The following STAM2 variants were observed in gnomAD, a reference collection of about 807,000 sequenced individuals.
STAM2 encodes the protein signal transducing adapter molecule 2.
In STAM2, 51 loss-of-function variants were observed where a neutral mutation model predicts 65.6. The ratio of observed to expected loss-of-function variants is 0.78; its 90% CI spans 0.62 to 0.98. The LOEUF (loss-of-function observed/expected upper bound fraction) is 0.98. Ranked by LOEUF, STAM2 falls within the 50% of genes least tolerant of loss-of-function variation. The probability of loss-of-function intolerance (pLI) is 0.00; values close to 1 mark genes in which losing one functional copy is unlikely to be tolerated. For missense variants in STAM2, 584 were observed against 617.8 expected, an observed-to-expected ratio of 0.95 and a Z score of 0.58; for synonymous variants, 198 against 208.4, an observed-to-expected ratio of 0.95 and a Z score of 0.43.
chr2:152,150,918 C>T (rs1194709932), intron 1 of STAM2, among the ~76,000 whole-genome samples: 1 of 152,138 alleles, frequency 6.6e-6, no homozygotes, highest in African/African-American at 2.4e-5. Flanking sequence ...GTTGCCCAGG[C>T]TGGTCTTGAA....
intron 1 of STAM2, among the ~76,000 whole-genome samples, chr2:152,159,759 C>T (rs1043494268): frequency 2.0e-5 from 3 of 152,208 alleles, no homozygotes; most frequent in Admixed American, 6.5e-5. Flanking sequence ...TCTCTTTCCA[C>T]GGTCTCCCTC....
intron 12 of STAM2, chr2:152,124,578 C>T (rs1056644125): frequency 2.0e-5 from 3 of 152,214 alleles, no homozygotes; most frequent in African/African-American, 7.2e-5. Flanking sequence ...AGGACAACAG[C>T]TCCTTAAGGA....
chr2:152,159,965 G>A (rs575668505), intron 1 of STAM2, among the ~76,000 whole-genome samples: 5 of 152,246 alleles, frequency 3.3e-5, no homozygotes, highest in Non-Finnish European at 4.4e-5. Flanking sequence ...TCCTAACCGC[G>A]AGTGATCTGC....
Position 152,148,042 on chromosome 2 carries a change from A to G in STAM2, c.282T>C (p.Arg94=). 1 of 1,609,680 alleles carries G rather than the reference A, an allele frequency of 6.2e-7. No homozygotes were observed. Among genetic ancestry groups the G allele is most frequent in the Admixed American group, 1.7e-5 (1 of 59,766 alleles). Residue 94 remains arginine (R), a synonymous_variant, in exon 4 of 14, where the codon CGT becomes CGC. Coordinates refer to ENST00000263904, the MANE Select transcript of STAM2 (RefSeq NM_005843.6). ...AATTTACCTTATTTTTAATCACAGCACGTACTTCTGTTGCAAAATCACGGG... is the reference window on the plus strand; with the variant it reads ...AATTTACCTTATTTTTAATCACAGCGCGTACTTCTGTTGCAAAATCACGGG... ...VCSRDFATEV[R]AVIKNKAHPK... is the part of the protein sequence containing the mutation.
intron 13 of STAM2, among the ~76,000 whole-genome samples, chr2:152,123,183 A>G (rs1301512412): frequency 1.3e-5 from 2 of 152,096 alleles, no homozygotes. Context: ...CAGCCTGACC[A>G]ATATGCTGAA....
At position 152,155,316 on chromosome 2, in the gene STAM2, G is replaced by A. The variant is rs1191762085; in HGVS notation, c.41-5087C>T. Among the ~76,000 whole-genome samples the A allele has an allele frequency of 1.1e-4, 17 of 152,310 alleles. No individual in the cohort carries two copies. The East Asian group carries it at 3.1e-3, about 28-fold the overall frequency. On this transcript the variant is annotated intron_variant, in intron 1 of 13. Coordinates refer to ENST00000263904, the MANE Select transcript of STAM2 (RefSeq NM_005843.6). The stretch of plus-strand genomic sequence containing the variant: ...GCTTTTGAGTACACGAACTAAAAGG[G>A]CTTTAACTCTGATGCCCATCTGTGG...
rs527441741 is a variant in STAM2 at position 152,167,381 on chromosome 2, T to G, written c.40+8222A>C. On this transcript the variant is annotated intron_variant, in intron 1 of 13. Coordinates refer to ENST00000263904, the MANE Select transcript of STAM2 (RefSeq NM_005843.6). ...ATAACGCTAAAGGAAGTCTAAAAGC[T>G]GGGAGCAACACTTACTACACCAAAA... Among the ~76,000 whole-genome samples the G allele has an allele frequency of 1.4e-3, 214 of 152,246 alleles. 1 individual carries two copies. Among genetic ancestry groups the G allele is most frequent in the African/African-American group, 4.7e-3 (196 of 41,534 alleles).
chr2:152,120,676 G>A lies in STAM2; in HGVS notation c.1476C>T (p.Asn492=). 6 of 1,614,138 alleles carry A rather than the reference G, an allele frequency of 3.7e-6. No homozygotes were observed. The highest frequency in any genetic ancestry group is 4.2e-6 in the Non-Finnish European group (5 of 1,180,026). The change falls in exon 14 of 14, where the codon AAC becomes AAT. Residue 492 remains asparagine (N), a synonymous_variant. Transcript: ENST00000263904. ...GMSVDMSSYQ[N]TTSNLPQLAG... is the part of the protein sequence containing the mutation. The stretch of plus-strand genomic sequence containing the variant: ...CCAGTTGAGGCAAATTGGAAGTAGT[G>A]TTCTGATAAGATGACATATCCACAG...
intron 1 of STAM2, among the ~76,000 whole-genome samples, chr2:152,152,735 A>G (rs181490304): frequency 3.9e-5 from 6 of 152,350 alleles, no homozygotes; most frequent in Non-Finnish European, 5.9e-5. Context: ...GCAGTTTCCC[A>G]AAGGAACTAT....
intron 1 of STAM2, among the ~76,000 whole-genome samples, chr2:152,159,709 C>T (rs1579331142): frequency 1.3e-5 from 2 of 152,016 alleles, no homozygotes; most frequent in Non-Finnish European, 2.9e-5. Context: ...AACAGGATTG[C>T]TCCCTCTCCC....
intron 1 of STAM2, among the ~76,000 whole-genome samples, chr2:152,150,842 T>A (rs1689430712): frequency 6.6e-6 from 1 of 152,054 alleles, no homozygotes; most frequent in Non-Finnish European, 1.5e-5. Context: ...CAAGTAAATA[T>A]GCACTACACT....
chr2:152,124,447 T>C (rs1252049569), intron 12 of STAM2: 1 of 152,588 alleles, frequency 6.6e-6, no homozygotes. Context: ...CCTTATTCTC[T>C]ACCTTTAAGA....
chr2:152,157,582 C>A (rs1193782100), intron 1 of STAM2, among the ~76,000 whole-genome samples: 2 of 152,220 alleles, frequency 1.3e-5, no homozygotes, highest in African/African-American at 4.8e-5. Context: ...TCTAACCAGA[C>A]AGCACCTCTG....
intron 1 of STAM2, among the ~76,000 whole-genome samples, chr2:152,158,946 C>T (rs1689605273): frequency 6.6e-6 from 1 of 151,198 alleles, no homozygotes; most frequent in African/African-American, 2.4e-5. Flanking sequence ...GTCTCCAACT[C>T]GTAAATTTTG....
rs1388282545 is a variant in STAM2 at position 152,161,296 on chromosome 2, G to A, written c.41-11067C>T. Among the ~76,000 whole-genome samples, 4 of 150,602 alleles carry A rather than the reference G, an allele frequency of 2.7e-5. No homozygotes were observed. The East Asian group carries it at 7.8e-4, about 29-fold the overall frequency. On this transcript the variant is annotated intron_variant, in intron 1 of 13. Transcript: ENST00000263904. ...TGCTTTGTTAAACAGATGCTTGAAGGCAGCATGCTCGTTAAGAGTCATCAC... is the reference window on the plus strand; with the variant it reads ...TGCTTTGTTAAACAGATGCTTGAAGACAGCATGCTCGTTAAGAGTCATCAC...
chr2:152,121,092 G>A (rs1688845509), intron 13 of STAM2, among the ~76,000 whole-genome samples: 1 of 151,978 alleles, frequency 6.6e-6, no homozygotes, highest in African/African-American at 2.4e-5. Context: ...AGCCTCCTGA[G>A]TAGCTGGGAC....
intron 1 of STAM2, among the ~76,000 whole-genome samples, chr2:152,153,707 T>C (rs1464364292): frequency 1.3e-5 from 2 of 152,172 alleles, no homozygotes; most frequent in Non-Finnish European, 2.9e-5. Flanking sequence ...ACTATTGCTT[T>C]GGAAAGTCAG....
chr2:152,140,589 T>TG (rs1490643492), intron 7 of STAM2, among the ~76,000 whole-genome samples: 1 of 152,182 alleles, frequency 6.6e-6, no homozygotes, highest in African/African-American at 2.4e-5. Context: ...GGTAACCTTG[T>TG]GGGGGTCTTT....
chr2:152,164,139 T>C lies in STAM2; in HGVS notation c.40+11464A>G, dbSNP rs530325693. On this transcript the variant is annotated intron_variant, in intron 1 of 13. Transcript: ENST00000263904. Reference sequence around the variant, plus strand: ...TACGGACCTACGGCCCGTAATGACCTGGTGGCCCAGCTGTAAAATTCTTCT... The same window carrying C: ...TACGGACCTACGGCCCGTAATGACCCGGTGGCCCAGCTGTAAAATTCTTCT... Among the ~76,000 whole-genome samples, 8 of 152,266 alleles carry C rather than the reference T, an allele frequency of 5.3e-5. No homozygotes were observed. The East Asian group carries it at 1.5e-3, about 29-fold the overall frequency.
Sources: gnomAD v4.1 joint callset for allele counts (sites outside exome capture counted in the v4.1 genomes callset) on GRCh38, gnomAD v4.1.1 for gene constraint, MANE v1.5 for transcripts, NCBI Gene and HGNC (gene_info 2026-07-23, HGNC 2026-07-21) for gene names.